Variants in GPI observed in about 807,000 individuals in gnomAD.
GPI encodes glucose-6-phosphate isomerase.
Under a neutral mutation model 75.8 loss-of-function variants are expected in GPI, and 56 were observed. That is an observed-to-expected ratio of 0.74 (90% CI 0.60 to 0.92). The LOEUF (loss-of-function observed/expected upper bound fraction) is 0.92. Among genes scored for constraint, GPI ranks in the 40% least tolerant of loss-of-function variants. The pLI, the probability that GPI is intolerant of heterozygous loss-of-function variation, is 0.00. For missense variants in GPI, 638 were observed against 741.0 expected (o/e 0.86, Z 1.61); for synonymous variants, 288 against 285.4 (o/e 1.01, Z -0.09).
chr19:34,379,758 G>A (rs1256223671), intron 8 of GPI, 196 bp downstream of exon 8: 6 of 685,490 alleles, frequency 8.8e-6, no homozygotes, highest in African/African-American at 1.8e-5. Flanking sequence ...CAGCTTTGAG[G>A]AGGGAGGCTT....
Position 34,396,400 on chromosome 19 carries a change from C to T in GPI, c.1162C>T (p.Gln388Ter). Residue 388 changes from glutamine (Q) to a stop codon, truncating the protein, a stop_gained, in exon 13 of 18, where the codon CAG (glutamine) becomes TAG (stop). Transcript: ENST00000356487. LOFTEE classifies it high-confidence loss of function. The part of the protein sequence containing the change: ...IVWGEPGTNG[Q>*]HAFYQLIHQG... ...GTGGGGGGAGCCAGGGACCAATGGCCAGCATGCTTTTTACCAGCTCATCCA... is the reference window on the plus strand; with the variant it reads ...GTGGGGGGAGCCAGGGACCAATGGCTAGCATGCTTTTTACCAGCTCATCCA... The T allele has an allele frequency of 6.2e-7, 1 of 1,614,222 alleles. No individual in the cohort carries two copies. Among genetic ancestry groups the T allele is most frequent in the Non-Finnish European group, 8.5e-7 (1 of 1,180,042 alleles).
chr19:34,383,250 G>A (rs1017575566), intron 9 of GPI, among the ~76,000 whole-genome samples: 1 of 152,210 alleles, frequency 6.6e-6, no homozygotes, highest in African/African-American at 2.4e-5. Flanking sequence ...CAGAGCCAGA[G>A]CAGGTCCAGG....
Position 34,393,744 on chromosome 19 carries a change from G to T in GPI, c.882G>T (p.Glu294Asp). Residue 294 changes from glutamate to aspartate, a missense_variant, in exon 11 of 18, where the codon GAG (glutamate) becomes GAT (aspartate). Coordinates refer to ENST00000356487, the MANE Select transcript of GPI (RefSeq NM_000175.5). The surrounding 1 kb of genome is among the most constrained non-coding windows in gnomAD (Gnocchi z 4.4). Reference protein sequence around the residue: ...IALHVGFDNFEQLLSGAHWMD... With the variant: ...IALHVGFDNFDQLLSGAHWMD... ...GTGTCACAGGTTTTGACAACTTCGA[G>T]CAGCTGCTCTCGGGGGCTCACTGGA... 1 of 1,613,524 alleles carries T rather than the reference G, an allele frequency of 6.2e-7. No individual in the cohort carries two copies. The highest frequency in any genetic ancestry group is 1.1e-5 in the South Asian group (1 of 91,060).
Position 34,381,493 on chromosome 19 carries a change from C to T in GPI, c.778C>T (p.Pro260Ser), listed in dbSNP as rs1345342120. ...TTKVKEFGID[P>S]QNMFEFWDWV... ...CAAAGTGAAGGAGTTTGGAATTGACCCTCAAAACATGTTCGAGTTCTGGGA... is the reference window on the plus strand; with the variant it reads ...CAAAGTGAAGGAGTTTGGAATTGACTCTCAAAACATGTTCGAGTTCTGGGA... The change falls in exon 9 of 18, where the codon CCT becomes TCT. Residue 260 changes from proline (P) to serine (S), a missense_variant. Pro to Ser is a moderately conservative substitution (Grantham distance 74). Transcript: ENST00000356487. 1 of 1,608,932 alleles carries T rather than the reference C, an allele frequency of 6.2e-7. No homozygotes were observed. The highest frequency in any genetic ancestry group is 1.3e-5 in the African/African-American group (1 of 74,754).
chr19:34,377,355 A>ATATG (rs1284598017), intron 4 of GPI, 148 bp from the exon 5 acceptor site: 1 of 326,586 alleles, frequency 3.1e-6, no homozygotes, highest in Non-Finnish European at 5.8e-6. Context: ...ATATATATAT[A>ATATG]TATGGTAAAT....
At chr19:34,384,908 T>C (rs1462220136) in intron 9 of GPI, among the ~76,000 whole-genome samples, 3 of 151,506 alleles carry the variant, frequency 2.0e-5, no homozygotes, top group Non-Finnish European at 4.4e-5. Flanking sequence ...CCAGGCATGG[T>C]GGTGCATGCC....
At chr19:34,371,009 C>T (rs905464608) in intron 4 of GPI, among the ~76,000 whole-genome samples, 2 of 152,282 alleles carry the variant, frequency 1.3e-5, no homozygotes, top group Admixed American at 6.5e-5. Flanking sequence ...GGGTGTGTGG[C>T]GGGGCCTTTC....
intron 9 of GPI, among the ~76,000 whole-genome samples, chr19:34,387,417 A>G (rs925449008): frequency 3.5e-5 from 5 of 143,100 alleles, no homozygotes; most frequent in East Asian, 2.1e-4. Flanking sequence ...CAGTGAGTCT[A>G]CGGATCCAGG....
chr19:34,396,987 T>C (rs2074955795), intron 14 of GPI, among the ~76,000 whole-genome samples: 1 of 152,152 alleles, frequency 6.6e-6, no homozygotes, highest in Admixed American at 6.5e-5. Flanking sequence ...ATTTTTGTAG[T>C]TTTGGTAAAG....
Position 34,393,195 on chromosome 19 carries a change from T to TG in GPI, c.805-47dup, listed in dbSNP as rs1366717584. 3 of 1,381,984 alleles carry TG rather than the reference T, an allele frequency of 2.2e-6. No homozygotes were observed. The highest frequency in any genetic ancestry group is 1.7e-5 in the Admixed American group (1 of 59,602). The allele number at this position is 1,381,984 out of a possible 1,614,324, so 85.6% of individuals were successfully genotyped here. ...CAGGGACAGGGTTTCCGGCAGGAGG[T>TG]GGGGGGCGGGGTGTGCCGGCCCTCC... On this transcript the variant is annotated intron_variant, in intron 9 of 17. Transcript: ENST00000356487. The surrounding 1 kb of genome is among the most constrained non-coding windows in gnomAD (Gnocchi z 4.4).
intron 9 of GPI, among the ~76,000 whole-genome samples, chr19:34,383,356 G>A (rs925837636): frequency 6.6e-6 from 1 of 152,216 alleles, no homozygotes; most frequent in Non-Finnish European, 1.5e-5. Flanking sequence ...GTCAGGTGAA[G>A]TCTGAGGAGC....
chr19:34,384,331 G>C (rs1443591277), intron 9 of GPI, among the ~76,000 whole-genome samples: 1 of 152,186 alleles, frequency 6.6e-6, no homozygotes, highest in Non-Finnish European at 1.5e-5. Flanking sequence ...AGCAGGCGAG[G>C]TTTCAGGGGT....
In GPI at chr19:34,393,019, C is replaced by T; in HGVS notation, c.805-229C>T. On this transcript the variant is annotated intron_variant, in intron 9 of 17. Coordinates refer to ENST00000356487, the MANE Select transcript of GPI (RefSeq NM_000175.5). This position sits in a 1 kb window ranked among gnomAD's most constrained non-coding sequence, Gnocchi z 4.4. ...CAGGGCCCGACATCTCAGGGAAGAC[C>T]ACGGTAAGCTCTTCAGTTTGTCTTG... is the stretch of plus-strand genomic sequence containing the variant. 1.7e-6 allele frequency: 1 copy of T among 590,186 alleles called. No individual in the cohort carries two copies. The highest frequency in any genetic ancestry group is 1.9e-5 in the South Asian group (1 of 53,746). The allele number at this position is 590,186 out of a possible 1,614,324, so 36.6% of individuals were successfully genotyped here. A position where few individuals can be genotyped will look rare whatever the true frequency, so the allele number is the denominator to read the frequency against.
Position 34,377,601 on chromosome 19 carries a change from G to A in GPI, c.486+15G>A. 1.9e-6 allele frequency: 3 copies of A among 1,606,964 alleles called. No homozygotes were observed. Among genetic ancestry groups the A allele is most frequent in the Non-Finnish European group, 2.6e-6 (3 of 1,173,716 alleles). The stretch of plus-strand genomic sequence containing the variant: ...GCTCCGACCTGGTGAGGAGAAAACT[G>A]CCTTGGGGTAGGGTGGGAGTCTGGG... On this transcript the variant is annotated intron_variant, in intron 5 of 17. Coordinates refer to ENST00000356487, the MANE Select transcript of GPI (RefSeq NM_000175.5).
In GPI at chr19:34,394,033, G is replaced by C; in HGVS notation, c.1029G>C (p.Gln343His). Residue 343 changes from glutamine (Q) to histidine (H), a missense_variant, in exon 12 of 18, where the codon CAG becomes CAC. By Grantham distance (24) the Gln-to-His change is conservative. Transcript: ENST00000356487. ...CACACGCCATGCTGCCCTATGACCA[G>C]TACCTGCACCGCTTTGCTGCGTACT... ...CETHAMLPYD[Q>H]YLHRFAAYFQ... The C allele has an allele frequency of 6.2e-7, 1 of 1,613,056 alleles. No homozygotes were observed. The highest frequency in any genetic ancestry group is 8.5e-7 in the Non-Finnish European group (1 of 1,179,860).
chr19:34,370,593 C>T (rs922628312), intron 4 of GPI, among the ~76,000 whole-genome samples: 3 of 151,940 alleles, frequency 2.0e-5, no homozygotes, highest in African/African-American at 4.8e-5. Context: ...GGCATGGTGG[C>T]GAGCACCTGT....
At chr19:34,370,471 C>A (rs900888946) in intron 4 of GPI, among the ~76,000 whole-genome samples, 12 of 152,144 alleles carry the variant, frequency 7.9e-5, no homozygotes, top group African/African-American at 2.9e-4. Context: ...GTAATCCCAG[C>A]ACTCTGGGAG....
At position 34,401,665 on chromosome 19, in the gene GPI, C is replaced by G. The variant is rs2075024459; in HGVS notation, c.*1629C>G. On this transcript the variant is annotated 3_prime_UTR_variant, in exon 18 of 18. Transcript: ENST00000356487. ...ATTCAAAATTTTTTTTTCTTAGAGACAGGGTCTTTGTTGCCCAGGCTGGAC... is the reference window on the plus strand; with the variant it reads ...ATTCAAAATTTTTTTTTCTTAGAGAGAGGGTCTTTGTTGCCCAGGCTGGAC... 1.3e-5 allele frequency: 2 copies of G among 151,678 alleles called. No homozygotes were observed. The highest frequency in any genetic ancestry group is 4.2e-4 in the South Asian group (2 of 4,806). The allele number at this position is 151,678 out of a possible 1,614,324, so 9.4% of individuals were successfully genotyped here.
At chr19:34,386,353 G>A (rs900947010) in intron 9 of GPI, among the ~76,000 whole-genome samples, 2 of 151,738 alleles carry the variant, frequency 1.3e-5, no homozygotes, top group African/African-American at 2.4e-5. Flanking sequence ...GGTAGAGATA[G>A]CCTTTCAGGT....
Sources: gnomAD v4.1 joint callset for allele counts (sites outside exome capture counted in the v4.1 genomes callset) on GRCh38, gnomAD v4.1.1 for gene constraint, Gnocchi (gnomAD v3.1) non-coding constraint, MANE v1.5 for transcripts, NCBI Gene and HGNC (gene_info 2026-07-23, HGNC 2026-07-21) for gene names.